Variants in VWA8 observed in about 807,000 individuals in gnomAD.
VWA8 encodes the protein von Willebrand factor A domain-containing protein 8.
Under a neutral mutation model 241.5 loss-of-function variants are expected in VWA8, and 221 were observed. The ratio of observed to expected loss-of-function variants is 0.91; its 90% CI spans 0.82 to 1.02. The LOEUF (loss-of-function observed/expected upper bound fraction) is 1.02. VWA8 is among the 50% of genes least tolerant of loss of function. The pLI is 0.00. For synonymous variants in VWA8, 852 were observed against 827.1 expected (o/e 1.03, Z -0.52); for missense variants, 2,322 against 2,328.7 (o/e 1.00, Z 0.06).
At chr13:41,822,110 A>G (rs1409961492) in intron 14 of VWA8, among the ~76,000 whole-genome samples, 3 of 152,172 alleles carry the variant, frequency 2.0e-5, no homozygotes, top group African/African-American at 7.2e-5. Context: ...GGTATTTATA[A>G]ATATTAAAAA....
Position 41,729,594 on chromosome 13 carries a change from A to C in VWA8, c.2586T>G (p.Thr862=), listed in dbSNP as rs2045464814. ...GAATCATTTCTCCATTTTCTACTAGAGTTTTTAAAATACACGTGACATTTG... is the reference window on the plus strand; with the variant it reads ...GAATCATTTCTCCATTTTCTACTAGCGTTTTTAAAATACACGTGACATTTG... ...APTNVTCILK[T]LVENGEMILA... is the part of the protein sequence containing the mutation. Residue 862 remains threonine (T), a synonymous_variant, in exon 23 of 45, where the codon ACT becomes ACG. Coordinates refer to ENST00000379310, the MANE Select transcript of VWA8 (RefSeq NM_015058.2). The C allele has an allele frequency of 6.2e-7, 1 of 1,613,124 alleles. No homozygotes were observed. The highest frequency in any genetic ancestry group is 1.1e-5 in the South Asian group (1 of 90,942).
Position 41,941,315 on chromosome 13 carries a change from A to G in VWA8, c.241+8621T>C, listed in dbSNP as rs937096512. Among the ~76,000 whole-genome samples, 5 of 152,180 alleles carry G rather than the reference A, an allele frequency of 3.3e-5. No homozygotes were observed. In the East Asian group the frequency reaches 5.8e-4, roughly 18 times the overall value. ...GTGACTATGACAAGTACTTCAGCTGACCCCAGATATAATACGGCACCTTAG... is the reference window on the plus strand; with the variant it reads ...GTGACTATGACAAGTACTTCAGCTGGCCCCAGATATAATACGGCACCTTAG... On this transcript the variant is annotated intron_variant, in intron 2 of 44. Coordinates refer to ENST00000379310, the MANE Select transcript of VWA8 (RefSeq NM_015058.2).
rs979412680 is a variant in VWA8, at chr13:41,576,925, G to A, written c.5272-1087C>T. Among the ~76,000 whole-genome samples, 3 of 152,202 alleles carry A rather than the reference G, an allele frequency of 2.0e-5. No homozygotes were observed. The South Asian group carries it at 6.2e-4, about 32-fold the overall frequency. On this transcript the variant is annotated intron_variant, in intron 42 of 44. Coordinates refer to ENST00000379310, the MANE Select transcript of VWA8 (RefSeq NM_015058.2). ...ACCCCATGAGGTACCTCAAATGCATGTGTGTGGACACCCAGTGCTGACATC... is the reference window on the plus strand; with the variant it reads ...ACCCCATGAGGTACCTCAAATGCATATGTGTGGACACCCAGTGCTGACATC...
chr13:41,657,646 C>A (rs568450792), intron 37 of VWA8, among the ~76,000 whole-genome samples: 2 of 152,050 alleles, frequency 1.3e-5, no homozygotes, highest in East Asian at 3.9e-4. Flanking sequence ...CCCGCCACCG[C>A]GCCCGGCTAA....
intron 40 of VWA8, among the ~76,000 whole-genome samples, chr13:41,596,032 C>T (rs529164921): frequency 6.6e-6 from 1 of 152,190 alleles, no homozygotes; most frequent in South Asian, 2.1e-4. Flanking sequence ...TTTTGGTGTA[C>T]AGTATACTCC....
chr13:41,758,340 A>C, intron 21 of VWA8, among the ~76,000 whole-genome samples: 1 of 139,288 alleles, frequency 7.2e-6, no homozygotes, highest in East Asian at 2.1e-4. Flanking sequence ...TAGTATTTTT[A>C]AATTTTTTCC....
At chr13:41,761,061 A>T (rs2045735508) in intron 21 of VWA8, 67 bp downstream of exon 21, 7 of 1,504,576 alleles carry the variant, frequency 4.7e-6, no homozygotes, top group Middle Eastern at 1.8e-4. Context: ...GTATTTTTAA[A>T]TTGTACCAGG....
Position 41,816,691 on chromosome 13 carries a change from G to C in VWA8, c.1947+7C>G. ...TAGAAAATCCTGTGGAAAAAGCCTAGACTTACCGTTGGATCCTGTGTTTCT... is the reference window on the plus strand; with the variant it reads ...TAGAAAATCCTGTGGAAAAAGCCTACACTTACCGTTGGATCCTGTGTTTCT... On this transcript the variant is annotated splice_region_variant and intron_variant, in intron 16 of 44. Transcript: ENST00000379310. 6.2e-7 allele frequency: 1 copy of C among 1,612,110 alleles called. No homozygotes were observed. The highest frequency in any genetic ancestry group is 8.5e-7 in the Non-Finnish European group (1 of 1,178,772).
At position 41,758,391 on chromosome 13, in the gene VWA8, T is replaced by C. The variant is rs1245039031; in HGVS notation, c.2426+2737A>G. ...TAGCATATATATATATATATATATA[T>C]ACGCTAGTATATATATATATATATA... On this transcript the variant is annotated intron_variant, in intron 21 of 44. Coordinates refer to ENST00000379310, the MANE Select transcript of VWA8 (RefSeq NM_015058.2). 1.4e-3 allele frequency among the ~76,000 whole-genome samples: 18 copies of C among 12,734 alleles called. 1 individual carries two copies. Among genetic ancestry groups the C allele is most frequent in the African/African-American group, 2.4e-3 (17 of 6,988 alleles). The allele number at this position is 12,734 out of a possible 152,430, so 8.4% of individuals were successfully genotyped here.
intron 26 of VWA8, chr13:41,719,379 T>C: frequency 7.2e-7 from 1 of 1,390,374 alleles, no homozygotes; most frequent in South Asian, 1.6e-5. Context: ...CATCTACTCA[T>C]GGGACATACA....
intron 21 of VWA8, among the ~76,000 whole-genome samples, chr13:41,755,071 T>C (rs1323762023): frequency 1.3e-5 from 2 of 152,086 alleles, no homozygotes; most frequent in Non-Finnish European, 2.9e-5. Context: ...GCAATAAACA[T>C]AAGAGTGCAG....
At chr13:41,844,644 T>C (rs999806446) in intron 12 of VWA8, among the ~76,000 whole-genome samples, 5 of 152,142 alleles carry the variant, frequency 3.3e-5, no homozygotes, top group Admixed American at 2.6e-4. Flanking sequence ...AATTTCAGTA[T>C]ACAAAACCAA....
intron 7 of VWA8, among the ~76,000 whole-genome samples, chr13:41,886,280 T>G (rs2138078709): frequency 1.3e-5 from 2 of 152,248 alleles, no homozygotes; most frequent in South Asian, 4.1e-4. Flanking sequence ...GCCAGCCTCA[T>G]CTCTCACATT....
chr13:41,900,057 G>C (rs557924129), intron 4 of VWA8, among the ~76,000 whole-genome samples: 1 of 152,314 alleles, frequency 6.6e-6, no homozygotes, highest in South Asian at 2.1e-4. Context: ...AGCATTTATG[G>C]AATAAACATG....
chr13:41,745,296 C>G (rs142172856), intron 21 of VWA8, among the ~76,000 whole-genome samples: 2,310 of 152,218 alleles, frequency 0.015, 60 homozygotes, highest in African/African-American at 0.052. Flanking sequence ...CGCATCCCCC[C>G]ACCCCATGAC....
At chr13:41,707,903 T>G (rs2045292344) in intron 26 of VWA8, among the ~76,000 whole-genome samples, 1 of 152,154 alleles carries the variant, frequency 6.6e-6, no homozygotes, top group Non-Finnish European at 1.5e-5. Context: ...AAAAATGAAT[T>G]CCTTACACTT....
chr13:41,883,088 C>A (rs1421184308), intron 9 of VWA8, among the ~76,000 whole-genome samples: 1 of 152,138 alleles, frequency 6.6e-6, no homozygotes, highest in East Asian at 1.9e-4. Context: ...AAGCATAACT[C>A]TTATTATCCT....
intron 20 of VWA8, among the ~76,000 whole-genome samples, chr13:41,768,825 T>G (rs1013081017): frequency 1.3e-5 from 2 of 152,084 alleles, no homozygotes; most frequent in African/African-American, 4.8e-5. Flanking sequence ...CAAAGAGACT[T>G]AGGAGGCACA....
intron 12 of VWA8, among the ~76,000 whole-genome samples, chr13:41,853,128 T>C (rs1872591030): frequency 1.3e-5 from 2 of 152,192 alleles, no homozygotes; most frequent in South Asian, 4.1e-4. Context: ...GTACATTTAT[T>C]TCTTTTTCTT....
Sources: allele counts gnomAD v4.1 joint callset (sites outside exome capture counted in the v4.1 genomes callset), GRCh38; gene constraint gnomAD v4.1.1; transcripts MANE v1.5; gene names NCBI Gene and HGNC (gene_info 2026-07-23, HGNC 2026-07-21).